Variants in TMC2 observed in about 807,000 individuals in gnomAD.
TMC2 encodes transmembrane channel-like protein 2.
TMC2 carries 102 observed loss-of-function variants against 105.9 expected under a neutral mutation model. The observed-to-expected ratio is 0.96, with a 90% confidence interval of 0.82 to 1.14. TMC2 has a LOEUF of 1.14. Ranked by LOEUF, TMC2 falls within the 50% of genes most tolerant of loss-of-function variation. TMC2 has a pLI of 0.00. For missense variants in TMC2, 1,093 were observed against 1,134.3 expected (o/e 0.96, Z 0.52); for synonymous variants, 402 against 422.8 (o/e 0.95, Z 0.60).
At chr20:2,623,728 G>C (rs117504970) in intron 16 of TMC2, among the ~76,000 whole-genome samples, 4 of 152,252 alleles carry the variant, frequency 2.6e-5, no homozygotes, top group East Asian at 1.9e-4. Flanking sequence ...TCTGCATAAT[G>C]GTTCTTAGGT....
Position 2,558,606 on chromosome 20 carries a change from GAC to G in TMC2, c.237_238del (p.His79GlnfsTer116), listed in dbSNP as rs2086000606. 1.3e-6 allele frequency: 2 copies of G among 1,557,984 alleles called. No homozygotes were observed. The highest frequency in any genetic ancestry group is 1.2e-5 in the South Asian group (1 of 84,552). On this transcript the variant is annotated frameshift_variant, in exon 3 of 20. Transcript: ENST00000358864. LOFTEE classifies it high-confidence loss of function. This position sits in a 1 kb window ranked among gnomAD's most constrained non-coding sequence, Gnocchi z 4.6. ...CGGAGGAAGCAAACAGGGCGCAGGA[GAC>G]ACAGAGAAGAGCTGGGGGAGCAGGA... is the stretch of plus-strand genomic sequence containing the variant.
chr20:2,582,550 G>A (rs905605895), intron 7 of TMC2, among the ~76,000 whole-genome samples: 5 of 151,968 alleles, frequency 3.3e-5, no homozygotes, highest in African/African-American at 4.8e-5. Context: ...GTCTTGGCTC[G>A]CTGCAGCCTC....
chr20:2,602,101 T>C lies in TMC2; in HGVS notation c.1225-12T>C. 1 of 1,591,878 alleles carries C rather than the reference T, an allele frequency of 6.3e-7. No homozygotes were observed. The highest frequency in any genetic ancestry group is 1.3e-5 in the African/African-American group (1 of 74,424). ...CCTGACATTTATGCACATCTCATTT[T>C]CACACATTAAGGAATCAATAGTGGA... On this transcript the variant is annotated splice_polypyrimidine_tract_variant and intron_variant, in intron 10 of 19. Transcript: ENST00000358864.
chr20:2,612,163 T>C (rs1170875900), intron 12 of TMC2, 28 bp from the exon 13 acceptor site: 11 of 1,570,118 alleles, frequency 7.0e-6, no homozygotes, highest in Non-Finnish European at 8.7e-6. Flanking sequence ...AGCTCCTTCC[T>C]ACCCCACACC....
rs761808632 is a variant in TMC2, at chr20:2,594,938, C to G, written c.1047C>G (p.Phe349Leu). The stretch of plus-strand genomic sequence containing the variant: ...ACTTTATGGTGGGGGTCAGCGTGTT[C>G]GGCTACAGCCTGATTATTGTCATTC... The part of the protein sequence containing the change: ...MAYFMVGVSV[F>L]GYSLIIVIRS... The change falls in exon 9 of 20, where the codon TTC becomes TTG. Residue 349 changes from phenylalanine (F) to leucine (L), a missense_variant. Coordinates refer to ENST00000358864, the MANE Select transcript of TMC2 (RefSeq NM_080751.3). 6.2e-7 allele frequency: 1 copy of G among 1,613,932 alleles called. No homozygotes were observed. The highest frequency in any genetic ancestry group is 1.7e-5 in the Admixed American group (1 of 59,986).
At chr20:2,632,705 C>T (rs950228876) in intron 17 of TMC2, among the ~76,000 whole-genome samples, 4 of 151,978 alleles carry the variant, frequency 2.6e-5, no homozygotes, top group Admixed American at 1.3e-4. Context: ...TTCTCCTGCC[C>T]CAGCCTCCCG....
intron 10 of TMC2, among the ~76,000 whole-genome samples, chr20:2,601,179 G>C (rs1287816633): frequency 6.6e-6 from 1 of 152,166 alleles, no homozygotes; most frequent in Admixed American, 6.5e-5. Context: ...TTAGAACAGA[G>C]GTTGGCAAAC....
At chr20:2,637,662 C>A in intron 19 of TMC2, 71 bp downstream of exon 19, 1 of 1,044,170 alleles carries the variant, frequency 9.6e-7, no homozygotes, top group Non-Finnish European at 1.5e-6. Flanking sequence ...TATGAAACAG[C>A]GTGAAATCAG....
At position 2,558,924 on chromosome 20, in the gene TMC2, C is replaced by G; in HGVS notation, c.401+150C>G. 1.3e-6 allele frequency: 1 copy of G among 768,178 alleles called. No individual in the cohort carries two copies. Among genetic ancestry groups the G allele is most frequent in the Admixed American group, 3.2e-5 (1 of 31,470 alleles). 47.6% of individuals were successfully genotyped at this position (768,178 alleles called of 1,614,324 possible). ...TGGCTTCCGTGCCTCCCAGCCCTTA[C>G]CACTGCCCCACTCTGCGGTGGGTTC... On this transcript the variant is annotated intron_variant, in intron 3 of 19. Transcript: ENST00000358864. The surrounding 1 kb of genome is among the most constrained non-coding windows in gnomAD (Gnocchi z 4.6).
intron 12 of TMC2, 110 bp downstream of exon 12, chr20:2,610,708 A>G (rs6083833): frequency 1.6e-6 from 1 of 622,774 alleles, no homozygotes; most frequent in Non-Finnish European, 2.2e-6. Context: ...AAATAAATGT[A>G]AATTAAGAAA....
At chr20:2,614,743 T>C (rs952622156) in intron 14 of TMC2, among the ~76,000 whole-genome samples, 1 of 152,000 alleles carries the variant, frequency 6.6e-6, no homozygotes, top group African/African-American at 2.4e-5. Flanking sequence ...ACTATCTACA[T>C]GGGCCTTTAG....
intron 10 of TMC2, among the ~76,000 whole-genome samples, chr20:2,600,501 A>G (rs920702714): frequency 2.6e-5 from 4 of 152,088 alleles, no homozygotes; most frequent in Non-Finnish European, 4.4e-5. Flanking sequence ...AACATGGGGA[A>G]ACCCTGCCTC....
chr20:2,561,582 A>T (rs573249885), intron 3 of TMC2, among the ~76,000 whole-genome samples: 1 of 152,334 alleles, frequency 6.6e-6, no homozygotes, highest in East Asian at 1.9e-4. Flanking sequence ...TTTGCATTAC[A>T]GTAAGTGGCT....
intron 4 of TMC2, among the ~76,000 whole-genome samples, chr20:2,564,197 A>C (rs1049982605): frequency 2.1e-4 from 26 of 124,626 alleles, no homozygotes; most frequent in Admixed American, 5.0e-4. Context: ...GTCGCCCAGG[A>C]TGGAGTGCAG....
chr20:2,541,089 T>C (rs2085887046), intron 2 of TMC2, among the ~76,000 whole-genome samples: 1 of 152,122 alleles, frequency 6.6e-6, no homozygotes, highest in South Asian at 2.1e-4. Flanking sequence ...CCCCCTCCAT[T>C]TCTCTACCCA....
intron 12 of TMC2, 55 bp downstream of exon 12, chr20:2,610,653 T>C (rs2086430960): frequency 9.3e-7 from 1 of 1,075,750 alleles, no homozygotes; most frequent in African/African-American, 1.7e-5. Flanking sequence ...CATAGTATTT[T>C]CTTTTTTAAT....
At chr20:2,617,405 G>A (rs1057328111) in intron 16 of TMC2, 94 bp downstream of exon 16, 3 of 1,510,120 alleles carry the variant, frequency 2.0e-6, no homozygotes, top group Non-Finnish European at 2.7e-6. Context: ...TTTCATGCCA[G>A]CCTGTAAAAG....
chr20:2,610,727 T>TAA, intron 12 of TMC2, 129 bp downstream of exon 12: 2 of 559,880 alleles, frequency 3.6e-6, no homozygotes, highest in Non-Finnish European at 4.9e-6. Flanking sequence ...AAAATAAAAT[T>TAA]AAAAAAAAAC....
chr20:2,595,891 C>G (rs1365340817), intron 9 of TMC2, among the ~76,000 whole-genome samples: 1 of 152,162 alleles, frequency 6.6e-6, no homozygotes, highest in East Asian at 1.9e-4. Flanking sequence ...TGCTGTTGTT[C>G]CCAAGACCCT....
Sources: gnomAD v4.1 joint callset for allele counts (sites outside exome capture counted in the v4.1 genomes callset) on GRCh38, gnomAD v4.1.1 for gene constraint, Gnocchi (gnomAD v3.1) non-coding constraint, MANE v1.5 for transcripts, NCBI Gene and HGNC (gene_info 2026-07-23, HGNC 2026-07-21) for gene names.